Variants in TMEM182 observed in about 807,000 individuals in gnomAD.
TMEM182 encodes the protein transmembrane protein 182.
Under a neutral mutation model 26.8 loss-of-function variants are expected in TMEM182, and 20 were observed. That is an observed-to-expected ratio of 0.75 (90% CI 0.53 to 1.09). The LOEUF is 1.09. Ranked by LOEUF, TMEM182 falls within the 50% of genes least tolerant of loss-of-function variation. The pLI is 0.00. For missense variants in TMEM182, 277 were observed against 275.5 expected (o/e 1.01, Z -0.04); for synonymous variants, 109 against 102.2 (o/e 1.07, Z -0.40).
At chr2:102,778,647 G>T (rs573955077) in intron 3 of TMEM182, among the ~76,000 whole-genome samples, 1 of 152,042 alleles carries the variant, frequency 6.6e-6, no homozygotes, top group East Asian at 1.9e-4. Context: ...GGTCTTGAGT[G>T]TATCTCTTTG....
At chr2:102,740,758 G>A (rs1345746991) in intron 1 of TMEM182, among the ~76,000 whole-genome samples, 1 of 152,148 alleles carries the variant, frequency 6.6e-6, no homozygotes, top group Non-Finnish European at 1.5e-5. Context: ...ACAAGGTGTT[G>A]TACACAGATA....
chr2:102,762,119 ATTCTT>A lies in TMEM182; in HGVS notation c.-96_-92del. On this transcript the variant is annotated 5_prime_UTR_variant, in exon 1 of 5. Transcript: ENST00000412401. ...AAGATTCTGCCAACTCAAAAATATT[ATTCTT>A]TTTTTTTTTTTTTTGCTGTTGTTTC... 1.0e-6 allele frequency: 1 copy of A among 997,082 alleles called. No homozygotes were observed. The highest frequency in any genetic ancestry group is 1.4e-6 in the Non-Finnish European group (1 of 703,060). The allele number at this position is 997,082 out of a possible 1,614,324, so 61.8% of individuals were successfully genotyped here.
At chr2:102,793,494 G>T (rs1203467785) in intron 3 of TMEM182, among the ~76,000 whole-genome samples, 1 of 152,152 alleles carries the variant, frequency 6.6e-6, no homozygotes, top group Non-Finnish European at 1.5e-5. Context: ...CAGCCATCCA[G>T]TTGTCCCTCA....
Position 102,816,553 on chromosome 2 carries a change from C to T in TMEM182, c.*1585C>T, listed in dbSNP as rs910945501. 1.1e-6 allele frequency: 1 copy of T among 880,120 alleles called. No homozygotes were observed. The highest frequency in any genetic ancestry group is 1.3e-6 in the Non-Finnish European group (1 of 742,002). The allele number at this position is 880,120 out of a possible 1,614,324, so 54.5% of individuals were successfully genotyped here. On this transcript the variant is annotated 3_prime_UTR_variant, in exon 5 of 5. Coordinates refer to ENST00000412401, the MANE Select transcript of TMEM182 (RefSeq NM_144632.5). Reference sequence around the variant, plus strand: ...TAATAATAATAATAATAATAAAGCTCCAGAGGCCTAACTGGTTTCTCAAGT... The same window carrying T: ...TAATAATAATAATAATAATAAAGCTTCAGAGGCCTAACTGGTTTCTCAAGT...
intron 4 of TMEM182, among the ~76,000 whole-genome samples, 179 bp downstream of exon 4, chr2:102,798,179 G>C (rs1166416583): frequency 6.6e-6 from 1 of 152,162 alleles, no homozygotes; most frequent in East Asian, 1.9e-4. Flanking sequence ...AACACTAACT[G>C]TGTGTCGGAC....
chr2:102,799,898 A>G (rs1573549400), intron 4 of TMEM182, among the ~76,000 whole-genome samples: 1 of 152,160 alleles, frequency 6.6e-6, no homozygotes, highest in East Asian at 1.9e-4. Context: ...CAGCCTCGGG[A>G]GAGAACAGGA....
At chr2:102,752,797 C>T (rs1679913152) in intron 1 of TMEM182, among the ~76,000 whole-genome samples, 1 of 152,214 alleles carries the variant, frequency 6.6e-6, no homozygotes, top group South Asian at 2.1e-4. Context: ...TAACATACCC[C>T]AGAGACAAAG....
chr2:102,837,415 G>A (rs1329017718), intron 3 of TMEM182, among the ~76,000 whole-genome samples: 1 of 152,188 alleles, frequency 6.6e-6, no homozygotes, highest in Non-Finnish European at 1.5e-5. Context: ...ATGATTTGCT[G>A]TTGTTAATAG....
chr2:102,792,038 G>A (rs1283282599), intron 3 of TMEM182, among the ~76,000 whole-genome samples: 4 of 93,774 alleles, frequency 4.3e-5, no homozygotes, highest in East Asian at 2.4e-4. Flanking sequence ...TTATATGTGT[G>A]TATACACACA....
intron 3 of TMEM182, among the ~76,000 whole-genome samples, chr2:102,822,937 A>C (rs1682956875): frequency 6.6e-6 from 1 of 152,198 alleles, no homozygotes; most frequent in South Asian, 2.1e-4. Flanking sequence ...AACCAACCAA[A>C]CAAAATCCCT....
intron 4 of TMEM182, among the ~76,000 whole-genome samples, chr2:102,803,523 G>A (rs1352003737): frequency 6.6e-6 from 1 of 152,166 alleles, no homozygotes; most frequent in Non-Finnish European, 1.5e-5. Context: ...GTTTTCAAAA[G>A]ATCAAAAGAA....
At position 102,817,482 on chromosome 2, in the gene TMEM182, A is replaced by G. The variant is rs1200434127; in HGVS notation, c.*2514A>G. On this transcript the variant is annotated 3_prime_UTR_variant, in exon 5 of 5. Transcript: ENST00000412401. ...TTCACTCAGGTGGATGATTGCACATACATTGGAATTGGCTGGAGAGACTAC... is the reference window on the plus strand; with the variant it reads ...TTCACTCAGGTGGATGATTGCACATGCATTGGAATTGGCTGGAGAGACTAC... 1 of 985,278 alleles carries G rather than the reference A, an allele frequency of 1.0e-6. No homozygotes were observed. Among genetic ancestry groups the G allele is most frequent in the African/African-American group, 1.7e-5 (1 of 57,238 alleles). 61.0% of individuals were successfully genotyped at this position (985,278 alleles called of 1,614,324 possible). A position where few individuals can be genotyped will look rare whatever the true frequency, so the allele number is the denominator to read the frequency against.
rs1338591843 is a variant in TMEM182, at chr2:102,816,106, C to T, written c.*1138C>T. 2.1e-5 allele frequency: 21 copies of T among 985,208 alleles called. 1 individual carries two copies. The highest frequency in any genetic ancestry group is 2.5e-5 in the Non-Finnish European group (21 of 829,918). The allele number at this position is 985,208 out of a possible 1,614,324, so 61.0% of individuals were successfully genotyped here. On this transcript the variant is annotated 3_prime_UTR_variant, in exon 5 of 5. Coordinates refer to ENST00000412401, the MANE Select transcript of TMEM182 (RefSeq NM_144632.5). ...TGGGGAAAGATGATTCTGTATTATT[C>T]AGTAGCATAGACATTTTGCATATCA...
intron 4 of TMEM182, among the ~76,000 whole-genome samples, chr2:102,807,729 G>A (rs1682401268): frequency 6.6e-6 from 1 of 152,136 alleles, no homozygotes; most frequent in Non-Finnish European, 1.5e-5. Context: ...AGCTGGTCAC[G>A]CTGCACTAAT....
At chr2:102,806,040 A>G (rs1291717013) in intron 4 of TMEM182, among the ~76,000 whole-genome samples, 1 of 152,208 alleles carries the variant, frequency 6.6e-6, no homozygotes, top group South Asian at 2.1e-4. Context: ...CTATTTACTC[A>G]GTACTAAGGG....
At chr2:102,836,017 A>T (rs549571456) in intron 3 of TMEM182, among the ~76,000 whole-genome samples, 115 of 152,146 alleles carry the variant, frequency 7.6e-4, no homozygotes, top group African/African-American at 2.6e-3. Context: ...AGATTGGGTT[A>T]TTTCACTTGG....
In TMEM182 at chr2:102,816,045, G is replaced by A. The variant is rs1455681644; in HGVS notation, c.*1077G>A. The A allele has an allele frequency of 2.8e-5, 28 of 984,630 alleles. No individual in the cohort carries two copies. Among genetic ancestry groups the A allele is most frequent in the Non-Finnish European group, 2.2e-5 (18 of 829,522 alleles). 61.0% of individuals were successfully genotyped at this position (984,630 alleles called of 1,614,324 possible). A position where few individuals can be genotyped will look rare whatever the true frequency, so the allele number is the denominator to read the frequency against. ...ATAGATATATTAACATTTACAGATCGACTATTTCCTTTAACCTCCTAGAAG... is the reference window on the plus strand; with the variant it reads ...ATAGATATATTAACATTTACAGATCAACTATTTCCTTTAACCTCCTAGAAG... On this transcript the variant is annotated 3_prime_UTR_variant, in exon 5 of 5. Coordinates refer to ENST00000412401, the MANE Select transcript of TMEM182 (RefSeq NM_144632.5).
chr2:102,835,424 T>C (rs1376130308), intron 3 of TMEM182, among the ~76,000 whole-genome samples: 1 of 152,162 alleles, frequency 6.6e-6, no homozygotes, highest in Middle Eastern at 3.2e-3. Context: ...TCCACCACAA[T>C]GGTGCATTTC....
chr2:102,827,094 C>A (rs189299990), intron 3 of TMEM182, among the ~76,000 whole-genome samples: 1 of 152,176 alleles, frequency 6.6e-6, no homozygotes, highest in African/African-American at 2.4e-5. Context: ...TGCTGCCAGC[C>A]GCCACATGGC....
Sources: allele counts gnomAD v4.1 joint callset (sites outside exome capture counted in the v4.1 genomes callset), GRCh38; gene constraint gnomAD v4.1.1; transcripts MANE v1.5; gene names NCBI Gene and HGNC (gene_info 2026-07-23, HGNC 2026-07-21).